KDM2A: variants seen among roughly 807,000 people sequenced by gnomAD.
The protein encoded by KDM2A is lysine demethylase 2A, also known as lysine-specific demethylase 2A.
KDM2A carries 3 observed loss-of-function variants against 137.3 expected under a neutral mutation model. That is an observed-to-expected ratio of 0.02 (90% CI 0.01 to 0.06). The LOEUF (loss-of-function observed/expected upper bound fraction) is 0.06. Ranked by LOEUF, KDM2A falls within the 10% of genes least tolerant of loss-of-function variation. The pLI is 1.00. For synonymous variants in KDM2A, 512 were observed against 541.5 expected (o/e 0.95, Z 0.76); for missense variants, 738 against 1,510.6 (o/e 0.49, Z 8.48).
At chr11:67,165,830 G>A (rs537863133) in intron 2 of KDM2A, among the ~76,000 whole-genome samples, 10 of 152,116 alleles carry the variant, frequency 6.6e-5, no homozygotes, top group Admixed American at 2.6e-4. Context: ...TTCTTGACTG[G>A]CAAAAAGAAA....
chr11:67,216,997 A>AC (rs1454522256), intron 8 of KDM2A, among the ~76,000 whole-genome samples: 1 of 152,128 alleles, frequency 6.6e-6, no homozygotes, highest in Non-Finnish European at 1.5e-5. Context: ...GTAATCCAAC[A>AC]CTTTGGGAGG....
At chr11:67,196,375 AG>A (rs933640988) in intron 5 of KDM2A, 3 of 456,070 alleles carry the variant, frequency 6.6e-6, no homozygotes. Flanking sequence ...CCTGGACTCA[AG>A]CGATCTTCCT....
At chr11:67,138,462 C>A (rs559766472) in intron 2 of KDM2A, among the ~76,000 whole-genome samples, 10 of 152,222 alleles carry the variant, frequency 6.6e-5, no homozygotes, top group Admixed American at 2.6e-4. Context: ...CTCCCCAGAC[C>A]ACATTACCTG....
At chr11:67,238,586 T>G in intron 12 of KDM2A, among the ~76,000 whole-genome samples, 1 of 151,994 alleles carries the variant, frequency 6.6e-6, no homozygotes, top group East Asian at 1.9e-4. Flanking sequence ...AAGTCTGTCC[T>G]TCCCCTGGTA....
chr11:67,226,511 A>G (rs1858549043), intron 10 of KDM2A, among the ~76,000 whole-genome samples: 1 of 152,198 alleles, frequency 6.6e-6, no homozygotes, highest in Non-Finnish European at 1.5e-5. Flanking sequence ...TCACGAGGTC[A>G]GGAGATCGAG....
rs376533607 is a variant in KDM2A, at chr11:67,248,311, T to C, written c.1996T>C (p.Leu666=). The stretch of plus-strand genomic sequence containing the variant: ...CGGAGAGGGGTTGCTTAACGAAGAA[T>C]TGCCAAATTGCTGGGAATGTCCAAA... ...MDGEGLLNEE[L]PNCWECPKCY... is the part of the protein sequence containing the mutation. The change falls in exon 16 of 21, where the codon TTG becomes CTG. Residue 666 remains leucine, a synonymous_variant. Transcript: ENST00000529006. 6.2e-7 allele frequency: 1 copy of C among 1,608,996 alleles called. No individual in the cohort carries two copies. The highest frequency in any genetic ancestry group is 8.5e-7 in the Non-Finnish European group (1 of 1,177,660).
Position 67,257,581 on chromosome 11 carries a change from A to G in KDM2A, c.*2526A>G, listed in dbSNP as rs1275006979. ...GGGGCGAAAAACCACAAAGGAAAGG[A>G]AGAAAATTTATATATATATAATATA... On this transcript the variant is annotated 3_prime_UTR_variant, in exon 21 of 21. Transcript: ENST00000529006. 1.3e-5 allele frequency: 2 copies of G among 152,484 alleles called. No individual in the cohort carries two copies. The highest frequency in any genetic ancestry group is 4.8e-5 in the African/African-American group (2 of 41,446). The allele number at this position is 152,484 out of a possible 1,614,324, so 9.4% of individuals were successfully genotyped here.
At position 67,255,440 on chromosome 11, in the gene KDM2A, C is replaced by A; in HGVS notation, c.*385C>A. 1.1e-5 allele frequency: 5 copies of A among 460,512 alleles called. No individual in the cohort carries two copies. Among genetic ancestry groups the A allele is most frequent in the Non-Finnish European group, 1.7e-5 (4 of 229,724 alleles). 28.5% of individuals were successfully genotyped at this position (460,512 alleles called of 1,614,324 possible). A position where few individuals can be genotyped will look rare whatever the true frequency, so the allele number is the denominator to read the frequency against. On this transcript the variant is annotated 3_prime_UTR_variant, in exon 21 of 21. Coordinates refer to ENST00000529006, the MANE Select transcript of KDM2A (RefSeq NM_012308.3). ...GTCCCCAGCAGTGCCTGGTTCTGAG[C>A]AAACTCCCAGGGAAGAAAACGGCCC...
intron 5 of KDM2A, among the ~76,000 whole-genome samples, chr11:67,186,551 T>C (rs1400634216): frequency 6.6e-6 from 1 of 152,212 alleles, no homozygotes; most frequent in Non-Finnish European, 1.5e-5. Context: ...GATTGTAACT[T>C]GAAGCCATAT....
At chr11:67,218,909 A>G (rs1858249452) in intron 9 of KDM2A, among the ~76,000 whole-genome samples, 1 of 152,188 alleles carries the variant, frequency 6.6e-6, no homozygotes, top group South Asian at 2.1e-4. Context: ...GCGCCAGGTC[A>G]TGTTAGCGTA....
At chr11:67,165,412 G>A (rs761744946) in intron 2 of KDM2A, among the ~76,000 whole-genome samples, 9 of 152,192 alleles carry the variant, frequency 5.9e-5, no homozygotes, top group Non-Finnish European at 8.8e-5. Context: ...GTGAGCCACC[G>A]CACCCAGCTT....
intron 5 of KDM2A, among the ~76,000 whole-genome samples, chr11:67,200,464 G>A (rs1203282982): frequency 1.3e-5 from 2 of 152,246 alleles, no homozygotes; most frequent in Non-Finnish European, 2.9e-5. Flanking sequence ...TGATCCGCCC[G>A]CCTCAGCCTC....
chr11:67,193,289 C>T (rs901596096), intron 5 of KDM2A, among the ~76,000 whole-genome samples: 7 of 152,134 alleles, frequency 4.6e-5, no homozygotes, highest in African/African-American at 1.2e-4. Flanking sequence ...CGCACCTGGC[C>T]GAGACTTAAA....
chr11:67,205,717 A>G (rs1451442338), intron 5 of KDM2A, among the ~76,000 whole-genome samples: 1 of 152,076 alleles, frequency 6.6e-6, no homozygotes, highest in African/African-American at 2.4e-5. Context: ...CCTGGACAGA[A>G]GCTGTCTGCC....
In KDM2A at chr11:67,216,043, C is replaced by T. The variant is rs957296537; in HGVS notation, c.687+94C>T. Reference sequence around the variant, plus strand: ...TACTTAATATACCCTGGAAATGAATCTGTTAGGGAATTGTCCCCATTCGTA... The same window carrying T: ...TACTTAATATACCCTGGAAATGAATTTGTTAGGGAATTGTCCCCATTCGTA... On this transcript the variant is annotated intron_variant, in intron 8 of 20. Transcript: ENST00000529006. 3.2e-6 allele frequency: 3 copies of T among 927,094 alleles called. No homozygotes were observed. In the African/African-American group the frequency reaches 4.9e-5, roughly 15 times the overall value. 57.4% of individuals were successfully genotyped at this position (927,094 alleles called of 1,614,324 possible). A position where few individuals can be genotyped will look rare whatever the true frequency, so the allele number is the denominator to read the frequency against.
At chr11:67,196,179 A>C in intron 5 of KDM2A, 1 of 438,628 alleles carries the variant, frequency 2.3e-6, no homozygotes, top group Non-Finnish European at 4.6e-6. Flanking sequence ...CTACAGTGAA[A>C]CTTTCTTTGG....
chr11:67,255,192 C>T lies in KDM2A; in HGVS notation c.*137C>T. 1 of 752,756 alleles carries T rather than the reference C, an allele frequency of 1.3e-6. No individual in the cohort carries two copies. Among genetic ancestry groups the T allele is most frequent in the Non-Finnish European group, 2.1e-6 (1 of 468,340 alleles). 46.6% of individuals were successfully genotyped at this position (752,756 alleles called of 1,614,324 possible). A position where few individuals can be genotyped will look rare whatever the true frequency, so the allele number is the denominator to read the frequency against. ...TGCTCTCCTGTCCCTTGAGCCCTTC[C>T]TCTACAGGTGGGGCAGAGAGGGTGG... On this transcript the variant is annotated 3_prime_UTR_variant, in exon 21 of 21. Coordinates refer to ENST00000529006, the MANE Select transcript of KDM2A (RefSeq NM_012308.3).
At chr11:67,146,498 CTCTT>C (rs941187057) in intron 2 of KDM2A, among the ~76,000 whole-genome samples, 45 of 151,976 alleles carry the variant, frequency 3.0e-4, no homozygotes, top group Admixed American at 2.1e-3. Context: ...CAGATTCTCT[CTCTT>C]TGTCTGTCTT....
At position 67,231,839 on chromosome 11, in the gene KDM2A, T is replaced by C; in HGVS notation, c.1358T>C (p.Leu453Pro). 1 of 1,614,070 alleles carries C rather than the reference T, an allele frequency of 6.2e-7. No individual in the cohort carries two copies. Among genetic ancestry groups the C allele is most frequent in the Non-Finnish European group, 8.5e-7 (1 of 1,179,904 alleles). Residue 453 changes from leucine to proline, a missense_variant, in exon 12 of 21, where the codon CTG (leucine) becomes CCG (proline). Coordinates refer to ENST00000529006, the MANE Select transcript of KDM2A (RefSeq NM_012308.3). ...CCCCGAAAGGACAGGCAAGTGCATC[T>C]GACCCATTTTGAGCTTGAAGGCCTT... is the stretch of plus-strand genomic sequence containing the variant. ...CAPRKDRQVHLTHFELEGLRC... is the reference protein window; with the variant it reads ...CAPRKDRQVHPTHFELEGLRC...
Sources: gnomAD v4.1 joint callset for allele counts (sites outside exome capture counted in the v4.1 genomes callset) on GRCh38, gnomAD v4.1.1 for gene constraint, MANE v1.5 for transcripts, NCBI Gene and HGNC (gene_info 2026-07-23, HGNC 2026-07-21) for gene names.